The following XKR9 variants were observed in gnomAD, a reference collection of about 807,000 sequenced individuals.
XKR9 encodes XK related 9.
In XKR9, 32 loss-of-function variants were observed where a neutral mutation model predicts 32.0. That is an observed-to-expected ratio of 1.00 (90% CI 0.76 to 1.34). XKR9 has a LOEUF of 1.34. Ranked by LOEUF, XKR9 falls within the 40% of genes most tolerant of loss-of-function variation. XKR9 has a pLI of 0.00. For missense variants in XKR9, 546 were observed against 429.7 expected, an observed-to-expected ratio of 1.27 and a Z score of -2.39; for synonymous variants, 168 against 143.4, an observed-to-expected ratio of 1.17 and a Z score of -1.22.
intron 2 of XKR9, among the ~76,000 whole-genome samples, chr8:70,758,871 C>G (rs1807266789): frequency 6.6e-6 from 1 of 152,198 alleles, no homozygotes; most frequent in Admixed American, 6.5e-5. Flanking sequence ...CCTTACCATA[C>G]TGGCCCTTTA....
the XKR9 span, among the ~76,000 whole-genome samples, chr8:70,992,700 T>C: frequency 6.6e-5 from 10 of 152,252 alleles, no homozygotes; most frequent in African/African-American, 2.4e-4. Context: ...TAACAAGTTC[T>C]GTCTTCAGAG....
At chr8:70,799,884 A>C in the XKR9 span, among the ~76,000 whole-genome samples, 1 of 152,126 alleles carries the variant, frequency 6.6e-6, no homozygotes, top group South Asian at 2.1e-4. Flanking sequence ...TGAGCCCAGA[A>C]CTTCCAATAC....
chr8:71,007,083 T>C, the XKR9 span, among the ~76,000 whole-genome samples: 1 of 152,162 alleles, frequency 6.6e-6, no homozygotes. Context: ...CCCCTCAGCA[T>C]CCTGTTGCAT....
At chr8:70,967,281 G>C in the XKR9 span, among the ~76,000 whole-genome samples, 12 of 152,098 alleles carry the variant, frequency 7.9e-5, no homozygotes, top group Admixed American at 3.3e-4. Context: ...GTGTTAGCCA[G>C]GATGGTCTTG....
chr8:70,715,640 T>C (rs1563443365), intron 4 of XKR9, among the ~76,000 whole-genome samples: 1 of 151,826 alleles, frequency 6.6e-6, no homozygotes, highest in Non-Finnish European at 1.5e-5. Flanking sequence ...AAAAAGTGAA[T>C]AAAAATAGCT....
intron 2 of XKR9, among the ~76,000 whole-genome samples, chr8:70,755,574 C>G (rs913407438): frequency 1.4e-4 from 22 of 151,982 alleles, no homozygotes; most frequent in Non-Finnish European, 2.6e-4. Flanking sequence ...GAATACTATG[C>G]AGCCATAAAA....
the XKR9 span, among the ~76,000 whole-genome samples, chr8:70,852,128 T>C: frequency 3.3e-4 from 50 of 152,284 alleles, no homozygotes; most frequent in East Asian, 6.9e-3. Flanking sequence ...GTGAAAGATA[T>C]GAACAGATAC....
At chr8:70,696,281 G>A (rs1586824472) in intron 3 of XKR9, among the ~76,000 whole-genome samples, 1 of 152,166 alleles carries the variant, frequency 6.6e-6, no homozygotes, top group Non-Finnish European at 1.5e-5. Flanking sequence ...GAATGGTAAT[G>A]CCTAGGTTTT....
intron 4 of XKR9, among the ~76,000 whole-genome samples, chr8:70,722,394 T>C (rs1586856879): frequency 6.6e-6 from 1 of 152,164 alleles, no homozygotes; most frequent in African/African-American, 2.4e-5. Flanking sequence ...CATAGTGTCA[T>C]AGGTCTTTAT....
At chr8:70,819,108 A>G in the XKR9 span, among the ~76,000 whole-genome samples, 18 of 152,362 alleles carry the variant, frequency 1.2e-4, no homozygotes, top group Non-Finnish European at 2.2e-4. Flanking sequence ...AGCTGGTTGC[A>G]CAAGGAACAG....
chr8:70,870,077 G>A, the XKR9 span, among the ~76,000 whole-genome samples: 126 of 152,250 alleles, frequency 8.3e-4, no homozygotes, highest in Non-Finnish European at 1.2e-3. Context: ...TGTGACTCAG[G>A]CATAGTAACT....
At chr8:70,709,679 A>G (rs543327108) in intron 4 of XKR9, among the ~76,000 whole-genome samples, 1 of 152,312 alleles carries the variant, frequency 6.6e-6, no homozygotes, top group South Asian at 2.1e-4. Context: ...AGCCAAATCA[A>G]GAATGCAATC....
chr8:70,814,144 G>A, the XKR9 span, among the ~76,000 whole-genome samples: 1 of 152,076 alleles, frequency 6.6e-6, no homozygotes, highest in South Asian at 2.1e-4. Flanking sequence ...TCCTTTGCAG[G>A]GACATGGATG....
At chr8:70,751,802 T>C (rs1807145867) in intron 2 of XKR9, among the ~76,000 whole-genome samples, 1 of 152,176 alleles carries the variant, frequency 6.6e-6, no homozygotes, top group Admixed American at 6.5e-5. Flanking sequence ...GTAAAAGTTA[T>C]ACCATCAGTT....
chr8:70,733,012 G>T (rs999609542), intron 4 of XKR9, among the ~76,000 whole-genome samples: 1 of 152,204 alleles, frequency 6.6e-6, no homozygotes, highest in African/African-American at 2.4e-5. Context: ...AGCTACTCAG[G>T]AGGCTGAGGC....
the XKR9 span, among the ~76,000 whole-genome samples, chr8:70,896,162 C>T: frequency 3.9e-5 from 6 of 152,010 alleles, no homozygotes; most frequent in Non-Finnish European, 7.4e-5. Flanking sequence ...ATAGTGGTTG[C>T]AGTTTTTAAA....
chr8:70,945,699 A>G, the XKR9 span, among the ~76,000 whole-genome samples: 1 of 152,108 alleles, frequency 6.6e-6, no homozygotes, highest in Non-Finnish European at 1.5e-5. Context: ...ATGTCTGTGT[A>G]AACAAACATC....
chr8:71,005,258 T>A, the XKR9 span, among the ~76,000 whole-genome samples: 1 of 149,442 alleles, frequency 6.7e-6, no homozygotes, highest in African/African-American at 2.5e-5. Context: ...GTTTCGCTCT[T>A]CGTGCCCAGG....
chr8:70,726,361 A>G (rs777302552), intron 4 of XKR9, among the ~76,000 whole-genome samples: 1 of 152,214 alleles, frequency 6.6e-6, no homozygotes, highest in African/African-American at 2.4e-5. Flanking sequence ...ATTGCAGAGG[A>G]CTGACAATTA....
Sources: gnomAD v4.1 joint callset for allele counts (sites outside exome capture counted in the v4.1 genomes callset) on GRCh38, gnomAD v4.1.1 for gene constraint, MANE v1.5 for transcripts, NCBI Gene and HGNC (gene_info 2026-07-23, HGNC 2026-07-21) for gene names.